DSCAM: variants seen among roughly 807,000 people sequenced by gnomAD.
The protein encoded by DSCAM is cell adhesion molecule DSCAM.
A neutral mutation model predicts 217.7 loss-of-function variants in DSCAM; 47 were observed. The observed-to-expected ratio is 0.22, with a 90% CI of 0.17 to 0.28. The LOEUF is 0.28. Among genes scored for constraint, DSCAM ranks in the 10% least tolerant of loss-of-function variants. DSCAM has a pLI of 1.00. For missense variants in DSCAM, 2,080 were observed against 2,618.3 expected (o/e 0.79, Z 4.49); for synonymous variants, 1,056 against 1,015.3 (o/e 1.04, Z -0.76).
chr21:40,170,986 T>C lies in DSCAM; in HGVS notation c.2948-3698A>G, dbSNP rs569440254. Among the ~76,000 whole-genome samples, 4 of 152,284 alleles carry C rather than the reference T, an allele frequency of 2.6e-5. No homozygotes were observed. The East Asian group carries it at 7.7e-4, about 29-fold the overall frequency. ...TTAAACCAAAGGTGCCAGCATAGTG[T>C]TTACAAGAATGTCCCCAATTCTATC... On this transcript the variant is annotated intron_variant, in intron 15 of 32. Transcript: ENST00000400454.
At chr21:40,559,777 ATTTTCTGTCTTTTT>A (rs1238154891) in intron 3 of DSCAM, among the ~76,000 whole-genome samples, 1 of 140,326 alleles carries the variant, frequency 7.1e-6, no homozygotes, top group African/African-American at 2.6e-5. Context: ...TGCTTTTAAA[ATTTTCTGTCTTTTT>A]TTTTTTTTTT....
At chr21:40,357,792 C>T (rs2074711197) in intron 4 of DSCAM, among the ~76,000 whole-genome samples, 1 of 151,660 alleles carries the variant, frequency 6.6e-6, no homozygotes, top group South Asian at 2.1e-4. Context: ...AGCACAACAA[C>T]ATGGCACATG....
At position 40,455,142 on chromosome 21, in the gene DSCAM, G is replaced by A. The variant is rs139100912; in HGVS notation, c.509-85897C>T. Among the ~76,000 whole-genome samples, 414 of 152,288 alleles carry A rather than the reference G, an allele frequency of 2.7e-3. 2 individuals are homozygous for A. Among genetic ancestry groups the A allele is most frequent in the African/African-American group, 9.7e-3 (403 of 41,578 alleles). On this transcript the variant is annotated intron_variant, in intron 3 of 32. Coordinates refer to ENST00000400454, the MANE Select transcript of DSCAM (RefSeq NM_001389.5). ...CGAGACATAGATCAAGAAGCTCCCAGCATGGGATTGATATCAATGTAATGT... is the reference window on the plus strand; with the variant it reads ...CGAGACATAGATCAAGAAGCTCCCAACATGGGATTGATATCAATGTAATGT...
intron 2 of DSCAM, among the ~76,000 whole-genome samples, chr21:40,703,754 G>A (rs899529601): frequency 6.6e-6 from 1 of 152,078 alleles, no homozygotes; most frequent in African/African-American, 2.4e-5. Flanking sequence ...GGATCTGTGG[G>A]TTTATAGTTT....
At chr21:40,762,663 A>G (rs1056765677) in intron 1 of DSCAM, among the ~76,000 whole-genome samples, 45 of 152,194 alleles carry the variant, frequency 3.0e-4, no homozygotes, top group African/African-American at 1.1e-3. Flanking sequence ...CAACAAGAAA[A>G]GAAAATTTCA....
At chr21:40,342,075 C>T (rs2074498390) in intron 6 of DSCAM, among the ~76,000 whole-genome samples, 1 of 152,148 alleles carries the variant, frequency 6.6e-6, no homozygotes, top group Non-Finnish European at 1.5e-5. Flanking sequence ...GCCTATTGGC[C>T]ATCCGTGTGT....
chr21:40,137,119 G>A (rs1363770400), intron 18 of DSCAM, among the ~76,000 whole-genome samples: 2 of 146,642 alleles, frequency 1.4e-5, no homozygotes, highest in African/African-American at 5.0e-5. Context: ...AGCTTGCAGT[G>A]AGTCGAGATC....
intron 27 of DSCAM, among the ~76,000 whole-genome samples, chr21:40,069,430 C>T (rs888562026): frequency 2.0e-5 from 3 of 152,136 alleles, no homozygotes; most frequent in Admixed American, 6.5e-5. Context: ...CACAGCATGG[C>T]GTGGGAGAGT....
At chr21:40,699,115 G>A (rs1444851421) in intron 2 of DSCAM, among the ~76,000 whole-genome samples, 1 of 150,170 alleles carries the variant, frequency 6.7e-6, no homozygotes, top group African/African-American at 2.5e-5. Context: ...TTTTGGTAAT[G>A]CTTACAATAT....
At chr21:40,665,155 AG>A (rs1166127852) in intron 3 of DSCAM, among the ~76,000 whole-genome samples, 5 of 152,186 alleles carry the variant, frequency 3.3e-5, no homozygotes, top group African/African-American at 1.2e-4. Context: ...TAGCAAGCAA[AG>A]GAATAAAGGA....
chr21:40,516,939 T>C (rs1307431156), intron 3 of DSCAM, among the ~76,000 whole-genome samples: 1 of 148,536 alleles, frequency 6.7e-6, no homozygotes, highest in African/African-American at 2.5e-5. Flanking sequence ...TATATTTATA[T>C]ATACATATTC....
intron 11 of DSCAM, among the ~76,000 whole-genome samples, chr21:40,238,355 A>C (rs2073105353): frequency 1.3e-5 from 2 of 152,192 alleles, no homozygotes; most frequent in South Asian, 4.1e-4. Context: ...AATGGGCCAG[A>C]CTTTGGCTCA....
At chr21:40,295,207 C>T (rs183513956) in intron 10 of DSCAM, among the ~76,000 whole-genome samples, 321 of 152,028 alleles carry the variant, frequency 2.1e-3, no homozygotes, top group Non-Finnish European at 2.9e-3. Context: ...TCATGATTGA[C>T]TGATTATTTG....
intron 3 of DSCAM, among the ~76,000 whole-genome samples, chr21:40,388,397 G>A (rs2075105507): frequency 1.3e-5 from 2 of 152,194 alleles, no homozygotes; most frequent in African/African-American, 4.8e-5. Context: ...ATGGTATCAT[G>A]AAGTCCTGTG....
intron 20 of DSCAM, among the ~76,000 whole-genome samples, chr21:40,119,044 C>T (rs905435397): frequency 3.9e-5 from 6 of 152,158 alleles, no homozygotes; most frequent in African/African-American, 1.4e-4. Context: ...TGCCTGGGTC[C>T]TTCCTGGAGT....
chr21:40,441,729 G>C (rs1385796367), intron 3 of DSCAM, among the ~76,000 whole-genome samples: 6 of 152,242 alleles, frequency 3.9e-5, no homozygotes, highest in African/African-American at 1.4e-4. Flanking sequence ...ATGAACCCCA[G>C]ACTTATTTCT....
chr21:40,425,025 G>A (rs539036140), intron 3 of DSCAM, among the ~76,000 whole-genome samples: 4 of 152,180 alleles, frequency 2.6e-5, no homozygotes, highest in Non-Finnish European at 5.9e-5. Flanking sequence ...TTGAACCTGG[G>A]GGGTGGAGGT....
intron 3 of DSCAM, among the ~76,000 whole-genome samples, chr21:40,524,299 C>G (rs1030129749): frequency 1.3e-5 from 2 of 151,924 alleles, no homozygotes; most frequent in Admixed American, 6.6e-5. Context: ...TTTCCGAAAC[C>G]TTTATTTTTC....
intron 1 of DSCAM, among the ~76,000 whole-genome samples, chr21:40,833,122 AG>A (rs1044966130): frequency 6.6e-6 from 1 of 152,154 alleles, no homozygotes; most frequent in African/African-American, 2.4e-5. Context: ...AGGGAAAGGA[AG>A]GCAAACAGCG....
Sources: allele counts gnomAD v4.1 joint callset (sites outside exome capture counted in the v4.1 genomes callset), GRCh38; gene constraint gnomAD v4.1.1; transcripts MANE v1.5; gene names NCBI Gene and HGNC (gene_info 2026-07-23, HGNC 2026-07-21).